The following GCC2 variants were observed in gnomAD, a reference collection of about 807,000 sequenced individuals.
GCC2 encodes GRIP and coiled-coil domain containing 2.
GCC2 carries 120 observed loss-of-function variants against 210.6 expected under a neutral mutation model. The observed-to-expected ratio is 0.57, with a 90% confidence interval of 0.49 to 0.66. The LOEUF (loss-of-function observed/expected upper bound fraction) is 0.66. Ranked by LOEUF, GCC2 falls within the 30% of genes least tolerant of loss-of-function variation. The pLI, the probability that GCC2 is intolerant of heterozygous loss-of-function variation, is 0.00. For missense variants in GCC2, 1,868 were observed against 1,871.9 expected (o/e 1.00, Z 0.04); for synonymous variants, 703 against 652.7 (o/e 1.08, Z -1.17).
At chr2:108,475,672 C>T (rs1681471445) in intron 8 of GCC2, 37 bp downstream of exon 8, 3 of 1,432,036 alleles carry the variant, frequency 2.1e-6, no homozygotes, top group Non-Finnish European at 2.9e-6. Flanking sequence ...TCCGGAATCT[C>T]ACATTTTTAA....
chr2:108,475,303 A>T (rs1034233333), intron 7 of GCC2: 4 of 283,516 alleles, frequency 1.4e-5, no homozygotes, highest in Non-Finnish European at 2.6e-5. Flanking sequence ...TGAAACGGCT[A>T]GAAAAAAGTA....
chr2:108,466,318 G>A (rs1198419035), intron 4 of GCC2, among the ~76,000 whole-genome samples: 1 of 152,050 alleles, frequency 6.6e-6, no homozygotes, highest in Non-Finnish European at 1.5e-5. Context: ...TGGGATTACA[G>A]GCATCAGCCA....
intron 4 of GCC2, among the ~76,000 whole-genome samples, chr2:108,459,745 C>CTTTTTA (rs1680456951): frequency 3.7e-5 from 1 of 26,764 alleles, no homozygotes; most frequent in Non-Finnish European, 6.7e-5. Context: ...CCTTCTTTGT[C>CTTTTTA]TTTTTTTTTT....
intron 4 of GCC2, among the ~76,000 whole-genome samples, chr2:108,459,596 C>T (rs760658813): frequency 2.6e-5 from 4 of 151,650 alleles, no homozygotes; most frequent in Non-Finnish European, 2.9e-5. Context: ...TTGCCCAGTA[C>T]GATTGCACTG....
Position 108,492,562 on chromosome 2 carries a change from T to C in GCC2, c.4230-11T>C. 3 of 1,565,446 alleles carry C rather than the reference T, an allele frequency of 1.9e-6. No individual in the cohort carries two copies. Among genetic ancestry groups the C allele is most frequent in the Non-Finnish European group, 2.6e-6 (3 of 1,135,736 alleles). On this transcript the variant is annotated splice_polypyrimidine_tract_variant and intron_variant, in intron 18 of 22. Transcript: ENST00000309863. ...GAAAGATCTTCTGTAACTAAGTTTC[T>C]CATCTTTCAGATTGTGTTCAATACA...
chr2:108,500,022 G>T (rs1285534687), intron 22 of GCC2, among the ~76,000 whole-genome samples: 7 of 152,148 alleles, frequency 4.6e-5, no homozygotes, highest in African/African-American at 1.7e-4. Flanking sequence ...TTTTATCCTG[G>T]TGTTGCGTTC....
At position 108,471,493 on chromosome 2, in the gene GCC2, G is replaced by A. The variant is rs1259075581; in HGVS notation, c.2164G>A (p.Glu722Lys). The A allele has an allele frequency of 5.0e-6, 8 of 1,609,050 alleles. No homozygotes were observed. The highest frequency in any genetic ancestry group is 6.8e-6 in the Non-Finnish European group (8 of 1,178,258). Reference protein sequence around the residue: ...LSQKEDVILKEHITQLEKKLQ... With the variant: ...LSQKEDVILKKHITQLEKKLQ... ...TCAAAAAGAAGATGTTATCCTTAAA[G>A]AACATATTACTCAATTAGAAAAGAA... The change falls in exon 6 of 23, where the codon GAA becomes AAA. Residue 722 changes from glutamate (E) to lysine (K), a missense_variant. Physicochemically the swap from Glu to Lys is moderately conservative, Grantham distance 56. Coordinates refer to ENST00000309863, the MANE Select transcript of GCC2 (RefSeq NM_181453.4).
At chr2:108,495,147 T>C (rs1240730178) in intron 19 of GCC2, 144 bp from the exon 20 acceptor site, 102 of 529,424 alleles carry the variant, frequency 1.9e-4, no homozygotes, top group East Asian at 3.5e-4. Context: ...TTAGCAATTC[T>C]TCATACACCT....
chr2:108,462,104 TG>T (rs1280966605), intron 4 of GCC2, among the ~76,000 whole-genome samples: 2 of 147,968 alleles, frequency 1.4e-5, no homozygotes, highest in African/African-American at 4.9e-5. Context: ...CCCAAAGTGC[TG>T]GGATTACAGG....
At chr2:108,479,994 A>G (rs77756016) in intron 9 of GCC2, among the ~76,000 whole-genome samples, 4 of 64,442 alleles carry the variant, frequency 6.2e-5, no homozygotes, top group Non-Finnish European at 1.2e-4. Context: ...AAAAAAAAAA[A>G]AAAAAAAAAA....
At position 108,507,587 on chromosome 2, in the gene GCC2, C is replaced by T; in HGVS notation, c.5012C>T (p.Ser1671Phe). 1.3e-6 allele frequency: 2 copies of T among 1,596,736 alleles called. No individual in the cohort carries two copies. The highest frequency in any genetic ancestry group is 2.3e-5 in the East Asian group (1 of 44,166). The change falls in exon 23 of 23, where the codon TCT becomes TTT. Residue 1671 changes from serine to phenylalanine, a missense_variant. By Grantham distance (155) the Ser-to-Phe change is radical. This residue lies in a region of GCC2 where 20 missense variants were observed against 28.2 expected (regional missense o/e 0.71). Coordinates refer to ENST00000309863, the MANE Select transcript of GCC2 (RefSeq NM_181453.4). ...GAGGAAGAAAATGCTTCCCGTTCTT[C>T]TGGATGGGCATCCTATCTTCATAGT... is the stretch of plus-strand genomic sequence containing the variant. ...QGEEENASRS[S>F]GWASYLHSWS...
chr2:108,471,341 T>C lies in GCC2; in HGVS notation c.2012T>C (p.Val671Ala). Residue 671 changes from valine to alanine, a missense_variant, in exon 6 of 23, where the codon GTT becomes GCT. Physicochemically the swap from Val to Ala is moderately conservative, Grantham distance 64 (BLOSUM62 0). This residue lies in a region of GCC2 where 1,847 missense variants were observed against 1,765.2 expected (regional missense o/e 1.05). Transcript: ENST00000309863. Reference sequence around the variant, plus strand: ...GACCAAAAACTAGAAAAACTTATGGTTCAAATGAAAGTTCTCTCTGAAGAC... The same window carrying C: ...GACCAAAAACTAGAAAAACTTATGGCTCAAATGAAAGTTCTCTCTGAAGAC... ...QNDQKLEKLMVQMKVLSEDKE... is the reference protein window; with the variant it reads ...QNDQKLEKLMAQMKVLSEDKE... The C allele has an allele frequency of 1.2e-6, 2 of 1,611,936 alleles. No individual in the cohort carries two copies. The highest frequency in any genetic ancestry group is 2.2e-5 in the South Asian group (2 of 90,560).
Position 108,482,421 on chromosome 2 carries a change from T to G in GCC2, c.3315T>G (p.Ala1105=), listed in dbSNP as rs1472695864. The G allele has an allele frequency of 3.2e-6, 5 of 1,575,958 alleles. No individual in the cohort carries two copies. The South Asian group carries it at 4.5e-5, about 14-fold the overall frequency. ...AKAMVDKELE[A]EKLQKEQKIK... is the part of the protein sequence containing the mutation. ...CAATGGTAGACAAAGAATTAGAAGC[T>G]GAAAAACTTCAGAAAGAACAGAAGA... The change falls in exon 11 of 23, where the codon GCT becomes GCG. Residue 1105 remains alanine, a synonymous_variant. Coordinates refer to ENST00000309863, the MANE Select transcript of GCC2 (RefSeq NM_181453.4).
intron 9 of GCC2, among the ~76,000 whole-genome samples, chr2:108,479,676 A>C (rs1331342315): frequency 6.6e-6 from 1 of 151,798 alleles, no homozygotes; most frequent in African/African-American, 2.4e-5. Context: ...CCAAAAGAGC[A>C]TAAATGCCAC....
Position 108,471,456 on chromosome 2 carries a change from G to GA in GCC2, c.2127_2128insA (p.Val710SerfsTer12), listed in dbSNP as rs1164785165. 1 of 1,609,974 alleles carries GA rather than the reference G, an allele frequency of 6.2e-7. No homozygotes were observed. Among genetic ancestry groups the GA allele is most frequent in the Non-Finnish European group, 8.5e-7 (1 of 1,178,888 alleles). On this transcript the variant is annotated frameshift_variant, in exon 6 of 23. Coordinates refer to ENST00000309863, the MANE Select transcript of GCC2 (RefSeq NM_181453.4). LOFTEE classifies it high-confidence loss of function. ...AAAAACAGTTGAGTAGGGATTTGGAGGTTTTTTTGTCTCAAAAAGAAGATG... is the reference window on the plus strand; with the variant it reads ...AAAAACAGTTGAGTAGGGATTTGGAGAGTTTTTTTGTCTCAAAAAGAAGATG...
chr2:108,469,473 T>C, intron 5 of GCC2, 178 bp from the exon 6 acceptor site: 1 of 533,762 alleles, frequency 1.9e-6, no homozygotes, highest in Non-Finnish European at 3.3e-6. Context: ...TATATTGTCA[T>C]ACTTTAGATA....
chr2:108,454,512 C>A (rs1680141502), intron 4 of GCC2, among the ~76,000 whole-genome samples: 1 of 152,124 alleles, frequency 6.6e-6, no homozygotes, highest in Non-Finnish European at 1.5e-5. Flanking sequence ...TTACTGAGTT[C>A]ACAGTAGTCT....
At position 108,471,033 on chromosome 2, in the gene GCC2, T is replaced by G; in HGVS notation, c.1704T>G (p.Asn568Lys). The change falls in exon 6 of 23, where the codon AAT (asparagine) becomes AAG (lysine). Residue 568 changes from asparagine to lysine, a missense_variant. Coordinates refer to ENST00000309863, the MANE Select transcript of GCC2 (RefSeq NM_181453.4). ...ENTIKNLQEK[N>K]GVYLLSLSQR... The stretch of plus-strand genomic sequence containing the variant: ...CCATAAAGAACCTTCAAGAAAAGAA[T>G]GGAGTATACTTACTTAGTCTCAGTC... The G allele has an allele frequency of 6.2e-7, 1 of 1,605,692 alleles. No individual in the cohort carries two copies. The highest frequency in any genetic ancestry group is 8.5e-7 in the Non-Finnish European group (1 of 1,173,574).
intron 4 of GCC2, among the ~76,000 whole-genome samples, chr2:108,468,444 A>AT (rs1681016388): frequency 6.6e-6 from 1 of 152,072 alleles, no homozygotes; most frequent in African/African-American, 2.4e-5. Context: ...AAAGGTGTCT[A>AT]TTTTGATAGC....
Sources: allele counts gnomAD v4.1 joint callset (sites outside exome capture counted in the v4.1 genomes callset), GRCh38; gene constraint gnomAD v4.1.1; regional missense constraint gnomAD v4.1.1; transcripts MANE v1.5; gene names NCBI Gene and HGNC (gene_info 2026-07-23, HGNC 2026-07-21).